ERI3: variants seen among roughly 807,000 people sequenced by gnomAD.
The protein encoded by ERI3 is ERI1 exoribonuclease 3.
A neutral mutation model predicts 44.4 loss-of-function variants in ERI3; 18 were observed. The observed-to-expected ratio is 0.41, with a 90% CI of 0.28 to 0.60. The LOEUF (loss-of-function observed/expected upper bound fraction) is 0.60. ERI3 is among the 20% of genes least tolerant of loss of function. The pLI is 0.36. For missense variants in ERI3, 294 were observed against 435.5 expected, an observed-to-expected ratio of 0.68 and a Z score of 2.89; for synonymous variants, 183 against 164.8, an observed-to-expected ratio of 1.11 and a Z score of -0.84.
intron 7 of ERI3, among the ~76,000 whole-genome samples, chr1:44,275,073 G>A (rs982997983): frequency 9.9e-5 from 15 of 152,068 alleles, no homozygotes; most frequent in African/African-American, 3.4e-4. Context: ...ACTGCCCTCA[G>A]TGCAAACTCT....
chr1:44,300,834 C>A (rs1031160842), intron 6 of ERI3, among the ~76,000 whole-genome samples: 38 of 152,288 alleles, frequency 2.5e-4, no homozygotes, highest in African/African-American at 8.9e-4. Context: ...ACTCTCAGCC[C>A]AAGGAGCTGT....
intron 3 of ERI3, among the ~76,000 whole-genome samples, chr1:44,329,496 G>T (rs973222105): frequency 5.3e-5 from 8 of 152,196 alleles, no homozygotes; most frequent in African/African-American, 1.9e-4. Flanking sequence ...ATCCCGTTCA[G>T]TTGACCAGCT....
intron 3 of ERI3, chr1:44,322,848 C>A (rs1364790728): frequency 3.9e-6 from 6 of 1,548,084 alleles, no homozygotes; most frequent in Non-Finnish European, 5.2e-6. Flanking sequence ...GCAGCCAGGG[C>A]ACCTGAAGCA....
chr1:44,319,890 G>A, intron 3 of ERI3, 146 bp from the exon 4 acceptor site: 1 of 641,848 alleles, frequency 1.6e-6, no homozygotes, highest in Non-Finnish European at 2.8e-6. Context: ...ACCCAAGATT[G>A]AGTGAGACGG....
intron 7 of ERI3, among the ~76,000 whole-genome samples, chr1:44,275,729 G>A (rs1414091998): frequency 3.3e-5 from 5 of 152,164 alleles, no homozygotes; most frequent in African/African-American, 9.7e-5. Context: ...TGATATATCA[G>A]GGTCTGTTAA....
At chr1:44,354,560 T>G (rs1646958338) in intron 1 of ERI3, 6 of 985,396 alleles carry the variant, frequency 6.1e-6, no homozygotes, top group Non-Finnish European at 7.2e-6. Context: ...AGAGGTAAAC[T>G]GCTAACCTGG....
Position 44,311,951 on chromosome 1 carries a change from T to C in ERI3, c.666+1218A>G, listed in dbSNP as rs908022411. Among the ~76,000 whole-genome samples the C allele has an allele frequency of 2.6e-5, 4 of 151,996 alleles. No homozygotes were observed. In the South Asian group the frequency reaches 6.2e-4, roughly 24 times the overall value. On this transcript the variant is annotated intron_variant, in intron 5 of 8. Coordinates refer to ENST00000372257, the MANE Select transcript of ERI3 (RefSeq NM_024066.3). ...GCTGGGAAGCATCTCAGAGCTCATC[T>C]TATCTTCTCCCAATCTACCGCAGGT... is the stretch of plus-strand genomic sequence containing the variant.
chr1:44,250,236 C>T (rs951460073), intron 7 of ERI3, among the ~76,000 whole-genome samples: 6 of 152,206 alleles, frequency 3.9e-5, no homozygotes, highest in African/African-American at 1.4e-4. Context: ...CAGCTTAAAG[C>T]GACGGGCGGG....
intron 7 of ERI3, among the ~76,000 whole-genome samples, chr1:44,258,740 A>G (rs1312397826): frequency 6.6e-6 from 1 of 152,194 alleles, no homozygotes; most frequent in African/African-American, 2.4e-5. Context: ...CAGTGGTCTG[A>G]GCTGAGACAG....
At chr1:44,222,074 T>C (rs1265662759) in intron 8 of ERI3, among the ~76,000 whole-genome samples, 3 of 152,258 alleles carry the variant, frequency 2.0e-5, no homozygotes, top group Non-Finnish European at 4.4e-5. Flanking sequence ...ATTTCATTAC[T>C]GTGCGACCAT....
intron 2 of ERI3, among the ~76,000 whole-genome samples, chr1:44,344,194 C>T (rs994936941): frequency 4.0e-5 from 6 of 151,332 alleles, no homozygotes; most frequent in Non-Finnish European, 7.4e-5. Flanking sequence ...ACTGAGATCA[C>T]ATCACTACAC....
intron 7 of ERI3, among the ~76,000 whole-genome samples, chr1:44,265,795 C>A (rs868463200): frequency 1.3e-5 from 2 of 151,970 alleles, no homozygotes; most frequent in Non-Finnish European, 2.9e-5. Context: ...AAACCACATA[C>A]AAGAAGTTCC....
chr1:44,338,991 C>T (rs1337417887), intron 3 of ERI3, 54 bp downstream of exon 3: 1 of 1,576,510 alleles, frequency 6.3e-7, no homozygotes, highest in East Asian at 2.3e-5. Context: ...CAAAACTATC[C>T]TCCCTCCCTC....
chr1:44,292,831 G>A (rs1239535252), intron 6 of ERI3, among the ~76,000 whole-genome samples: 1 of 152,214 alleles, frequency 6.6e-6, no homozygotes, highest in African/African-American at 2.4e-5. Flanking sequence ...AAAGGGTCAG[G>A]AGAGAGTACT....
chr1:44,264,694 G>T (rs937654439), intron 7 of ERI3, among the ~76,000 whole-genome samples: 2 of 152,118 alleles, frequency 1.3e-5, no homozygotes, highest in African/African-American at 4.8e-5. Flanking sequence ...CAAGGAAGGG[G>T]GGGCAGCCAC....
In ERI3 at chr1:44,244,577, C is replaced by G. The variant is rs112845783; in HGVS notation, c.931+3362G>C. 9.8e-4 allele frequency among the ~76,000 whole-genome samples: 149 copies of G among 152,200 alleles called. 1 individual carries two copies. Among genetic ancestry groups the G allele is most frequent in the African/African-American group, 3.3e-3 (138 of 41,524 alleles). On this transcript the variant is annotated intron_variant, in intron 8 of 8. Transcript: ENST00000372257. ...GTGTACTGAATGAAAGAAAGTTTTA[C>G]CTGGTGTCCTACCTCTATTTCCAGG...
At chr1:44,293,150 G>A (rs973633568) in intron 6 of ERI3, among the ~76,000 whole-genome samples, 3 of 152,362 alleles carry the variant, frequency 2.0e-5, no homozygotes, top group East Asian at 1.9e-4. Context: ...CCAAAGCCCT[G>A]TTAATAAATG....
At chr1:44,240,807 G>C (rs902728178) in intron 8 of ERI3, among the ~76,000 whole-genome samples, 2 of 152,142 alleles carry the variant, frequency 1.3e-5, no homozygotes, top group African/African-American at 4.8e-5. Context: ...TCCAGGATGG[G>C]AGGAGCTAAG....
chr1:44,236,152 C>T (rs1644298573), intron 8 of ERI3, among the ~76,000 whole-genome samples: 1 of 152,188 alleles, frequency 6.6e-6, no homozygotes, highest in South Asian at 2.1e-4. Context: ...ACCACCTCAG[C>T]TCCAGGCACT....
Sources: allele counts gnomAD v4.1 joint callset (sites outside exome capture counted in the v4.1 genomes callset), GRCh38; gene constraint gnomAD v4.1.1; transcripts MANE v1.5; gene names NCBI Gene and HGNC (gene_info 2026-07-23, HGNC 2026-07-21).